Variants in HDHD3 observed in about 807,000 individuals in gnomAD.
HDHD3 encodes haloacid dehalogenase-like hydrolase domain-containing protein 3.
HDHD3 carries 6 observed loss-of-function variants against 6.9 expected under a neutral mutation model. The ratio of observed to expected loss-of-function variants is 0.87; its 90% confidence interval spans 0.48 to 1.72. HDHD3 has a LOEUF of 1.72. HDHD3 is among the 40% of genes most tolerant of loss of function. The pLI is 0.01. For synonymous variants in HDHD3, 139 were observed against 140.7 expected, an observed-to-expected ratio of 0.99 and a Z score of 0.08; for missense variants, 308 against 327.4, an observed-to-expected ratio of 0.94 and a Z score of 0.46.
Position 113,374,279 on chromosome 9 carries a change from CT to C in HDHD3, c.75del (p.Glu27ArgfsTer39), listed in dbSNP as rs779198341. The C allele has an allele frequency of 1.9e-6, 3 of 1,571,426 alleles. No homozygotes were observed. Among genetic ancestry groups the C allele is most frequent in the Non-Finnish European group, 2.6e-6 (3 of 1,158,766 alleles). On this transcript the variant is annotated frameshift_variant, in exon 3 of 3. Transcript: ENST00000374180. LOFTEE classifies it high-confidence loss of function. ...CGGGCCTTGGTGGCATAGGCCTCCC[CT>C]AAGGGGTGGCGGAGCCTGAGCAGCG... ...KDTLLRLRHP[L>X]GEAYATKARA...
In HDHD3 at chr9:113,374,416, G is replaced by C. The variant is rs990578386; in HGVS notation, c.-62C>G. On this transcript the variant is annotated 5_prime_UTR_variant, in exon 3 of 3. Coordinates refer to ENST00000374180, the MANE Select transcript of HDHD3 (RefSeq NM_001304509.2). ...CCCACGGTGGGTCCCAGGGGAAGCT[G>C]AGCTGGATAAGACCACCTCTGCGCA... 4 of 1,451,756 alleles carry C rather than the reference G, an allele frequency of 2.8e-6. No individual in the cohort carries two copies. The African/African-American group carries it at 4.2e-5, about 15-fold the overall frequency. The allele number at this position is 1,451,756 out of a possible 1,614,324, so 89.9% of individuals were successfully genotyped here.
chr9:113,374,454 CCT>C lies in HDHD3; in HGVS notation c.-102_-101del, dbSNP rs747707855. The C allele has an allele frequency of 1.3e-5, 15 of 1,137,648 alleles. No homozygotes were observed. In the East Asian group the frequency reaches 1.8e-4, roughly 14 times the overall value. The allele number at this position is 1,137,648 out of a possible 1,614,324, so 70.5% of individuals were successfully genotyped here. On this transcript the variant is annotated 5_prime_UTR_variant, in exon 3 of 3. The change creates a premature stop within an existing upstream ORF in the 5' untranslated region. Coordinates refer to ENST00000374180, the MANE Select transcript of HDHD3 (RefSeq NM_001304509.2). ...CCACCTCTGCGCAACCTAACAATCACCTCTTTCCAGGCCTTGTGGGTCAGATT... is the reference window on the plus strand; with the variant it reads ...CCACCTCTGCGCAACCTAACAATCACCTTTCCAGGCCTTGTGGGTCAGATT...
chr9:113,374,683 T>C (rs1834419947), intron 2 of HDHD3, among the ~76,000 whole-genome samples, 154 bp from the exon 3 acceptor site: 1 of 152,168 alleles, frequency 6.6e-6, no homozygotes, highest in African/African-American at 2.4e-5. Flanking sequence ...GCTGCTAGCA[T>C]ATGGGATAGA....
rs748704005 is a variant in HDHD3 at position 113,374,105 on chromosome 9, G to A, written c.250C>T (p.His84Tyr). 4 of 1,605,448 alleles carry A rather than the reference G, an allele frequency of 2.5e-6. No homozygotes were observed. Among genetic ancestry groups the A allele is most frequent in the Admixed American group, 1.7e-5 (1 of 59,824 alleles). ...TGAGCATCCTGGACACCCGCCAGGTGGAAGGTCTGCAGGACCACATCCAGC... is the reference window on the plus strand; with the variant it reads ...TGAGCATCCTGGACACCCGCCAGGTAGAAGGTCTGCAGGACCACATCCAGC... ...WWLDVVLQTF[H>Y]LAGVQDAQAV... The change falls in exon 3 of 3, where the codon CAC becomes TAC. Residue 84 changes from histidine to tyrosine, a missense_variant. His to Tyr is a moderately conservative substitution (Grantham distance 83). Coordinates refer to ENST00000374180, the MANE Select transcript of HDHD3 (RefSeq NM_001304509.2).
chr9:113,373,698 G>T lies in HDHD3; in HGVS notation c.657C>A (p.Pro219=). The T allele has an allele frequency of 1.2e-6, 2 of 1,614,012 alleles. No homozygotes were observed. The highest frequency in any genetic ancestry group is 1.7e-6 in the Non-Finnish European group (2 of 1,179,970). The part of the protein sequence containing the change: ...FLVVGPQALD[P]VVRDSVPKEH... ...CTTTAGGTACAGAATCCCTGACCAC[G>T]GGGTCCAGTGCCTGTGGGCCAACCA... The change falls in exon 3 of 3, where the codon CCC becomes CCA. Residue 219 remains proline (P), a synonymous_variant. Coordinates refer to ENST00000374180, the MANE Select transcript of HDHD3 (RefSeq NM_001304509.2).
rs80286918 is a variant in HDHD3 at position 113,374,635 on chromosome 9, T to A, written c.-175-106A>T. On this transcript the variant is annotated intron_variant, in intron 2 of 2. Coordinates refer to ENST00000374180, the MANE Select transcript of HDHD3 (RefSeq NM_001304509.2). ...TGGTGTGACCCTAGGAAAGTCACTCTGAATCCACAACAAATTTCTGAGCAC... is the reference window on the plus strand; with the variant it reads ...TGGTGTGACCCTAGGAAAGTCACTCAGAATCCACAACAAATTTCTGAGCAC... The A allele has an allele frequency of 1.1e-5, 4 of 356,408 alleles. No homozygotes were observed. The Admixed American group carries it at 1.3e-4, about 12-fold the overall frequency. 22.1% of individuals were successfully genotyped at this position (356,408 alleles called of 1,614,324 possible). A position where few individuals can be genotyped will look rare whatever the true frequency, so the allele number is the denominator to read the frequency against.
Position 113,373,893 on chromosome 9 carries a change from G to T in HDHD3, c.462C>A (p.Phe154Leu), listed in dbSNP as rs758132873. 6.2e-7 allele frequency: 1 copy of T among 1,614,242 alleles called. No homozygotes were observed. Residue 154 changes from phenylalanine to leucine, a missense_variant, in exon 3 of 3, where the codon TTC becomes TTA. Physicochemically the swap from Phe to Leu is conservative, Grantham distance 22. Coordinates refer to ENST00000374180, the MANE Select transcript of HDHD3 (RefSeq NM_001304509.2). ...ILGGLGLREH[F>L]DFVLTSEAAG... Reference sequence around the variant, plus strand: ...CAGCCTCGGAGGTCAGCACAAAGTCGAAGTGTTCACGCAGGCCAAGGCCCC... The same window carrying T: ...CAGCCTCGGAGGTCAGCACAAAGTCTAAGTGTTCACGCAGGCCAAGGCCCC...
At chr9:113,376,354 CTTTTTTTTTT>C (rs11327669) in intron 1 of HDHD3, among the ~76,000 whole-genome samples, 1 of 101,710 alleles carries the variant, frequency 9.8e-6, no homozygotes, top group Non-Finnish European at 1.9e-5. Flanking sequence ...GGCTTTTTTT[CTTTTTTTTTT>C]TTTTTGAGAC....
At position 113,374,330 on chromosome 9, in the gene HDHD3, G is replaced by A; in HGVS notation, c.25C>T (p.Leu9=). 3 of 1,518,212 alleles carry A rather than the reference G, an allele frequency of 2.0e-6. No individual in the cohort carries two copies. Among genetic ancestry groups the A allele is most frequent in the Non-Finnish European group, 2.7e-6 (3 of 1,131,750 alleles). The allele number at this position is 1,518,212 out of a possible 1,614,324, so 94.0% of individuals were successfully genotyped here. The change falls in exon 3 of 3, where the codon CTG becomes TTG. Residue 9 remains leucine (L), a synonymous_variant. Coordinates refer to ENST00000374180, the MANE Select transcript of HDHD3 (RefSeq NM_001304509.2). ...GTGTCCTTCACATCCCACGTCAGCAGTCGTATCTGCAGCCGGTGTGCCATG... is the reference window on the plus strand; with the variant it reads ...GTGTCCTTCACATCCCACGTCAGCAATCGTATCTGCAGCCGGTGTGCCATG... MAHRLQIR[L]LTWDVKDTLL...
chr9:113,374,392 C>A lies in HDHD3; in HGVS notation c.-38G>T. On this transcript the variant is annotated 5_prime_UTR_variant, in exon 3 of 3. Coordinates refer to ENST00000374180, the MANE Select transcript of HDHD3 (RefSeq NM_001304509.2). Reference sequence around the variant, plus strand: ...GTCCACCCCAGTTCTGCCTCAGGTCCCACGGTGGGTCCCAGGGGAAGCTGA... The same window carrying A: ...GTCCACCCCAGTTCTGCCTCAGGTCACACGGTGGGTCCCAGGGGAAGCTGA... 6.7e-7 allele frequency: 1 copy of A among 1,492,554 alleles called. No individual in the cohort carries two copies. 92.5% of individuals were successfully genotyped at this position (1,492,554 alleles called of 1,614,324 possible). A position where few individuals can be genotyped will look rare whatever the true frequency, so the allele number is the denominator to read the frequency against.
chr9:113,373,926 G>A lies in HDHD3; in HGVS notation c.429C>T (p.Gly143=). Reference sequence around the variant, plus strand: ...CACGCAGGCCAAGGCCCCCCAGGATGCCCTCTAGCCGTCGGTCAAAGTTGG... The same window carrying A: ...CACGCAGGCCAAGGCCCCCCAGGATACCCTCTAGCCGTCGGTCAAAGTTGG... ...VISNFDRRLE[G]ILGGLGLREH... is the part of the protein sequence containing the mutation. Residue 143 remains glycine (G), a synonymous_variant, in exon 3 of 3, where the codon GGC becomes GGT. Coordinates refer to ENST00000374180, the MANE Select transcript of HDHD3 (RefSeq NM_001304509.2). 1.9e-6 allele frequency: 3 copies of A among 1,614,238 alleles called. No individual in the cohort carries two copies. The highest frequency in any genetic ancestry group is 1.6e-4 in the Middle Eastern group (1 of 6,062).
rs1336777914 is a variant in HDHD3, at chr9:113,374,284, G to A, written c.71C>T (p.Pro24Leu). The A allele has an allele frequency of 6.4e-7, 1 of 1,562,286 alleles. No homozygotes were observed. The highest frequency in any genetic ancestry group is 2.3e-5 in the East Asian group (1 of 44,226). Reference protein sequence around the residue: ...VKDTLLRLRHPLGEAYATKAR... With the variant: ...VKDTLLRLRHLLGEAYATKAR... ...CTTGGTGGCATAGGCCTCCCCTAAG[G>A]GGTGGCGGAGCCTGAGCAGCGTGTC... The change falls in exon 3 of 3, where the codon CCC (proline) becomes CTC (leucine). Residue 24 changes from proline to leucine, a missense_variant. Transcript: ENST00000374180.
At chr9:113,375,144 A>G (rs1834430216) in intron 2 of HDHD3, among the ~76,000 whole-genome samples, 1 of 152,270 alleles carries the variant, frequency 6.6e-6, no homozygotes, top group Non-Finnish European at 1.5e-5. Context: ...TGGCCACCCA[A>G]AGTACTGGGA....
At chr9:113,375,166 A>G (rs1450449394) in intron 2 of HDHD3, among the ~76,000 whole-genome samples, 1 of 152,194 alleles carries the variant, frequency 6.6e-6, no homozygotes, top group Non-Finnish European at 1.5e-5. Context: ...TACAGGCATG[A>G]GCCATCACTC....
chr9:113,375,299 CAG>C (rs1228319497), intron 2 of HDHD3, among the ~76,000 whole-genome samples, 152 bp downstream of exon 2: 7 of 151,574 alleles, frequency 4.6e-5, no homozygotes, highest in Non-Finnish European at 1.0e-4. Context: ...GGCAAGTAGA[CAG>C]AGGCCAGCTG....
Position 113,373,788 on chromosome 9 carries a change from A to G in HDHD3, c.567T>C (p.His189=). ...LAHMEPVVAA[H]VGDNYLCDYQ... ...AATCGCAGAGGTAATTATCCCCAACATGGGCTGCCACTACTGGTTCCATAT... is the reference window on the plus strand; with the variant it reads ...AATCGCAGAGGTAATTATCCCCAACGTGGGCTGCCACTACTGGTTCCATAT... The change falls in exon 3 of 3, where the codon CAT becomes CAC. Residue 189 remains histidine (H), a synonymous_variant. Coordinates refer to ENST00000374180, the MANE Select transcript of HDHD3 (RefSeq NM_001304509.2). The G allele has an allele frequency of 6.2e-7, 1 of 1,612,414 alleles. No individual in the cohort carries two copies. The highest frequency in any genetic ancestry group is 8.5e-7 in the Non-Finnish European group (1 of 1,178,708).
chr9:113,374,563 C>T (rs77149067), intron 2 of HDHD3, 34 bp from the exon 3 acceptor site: 21,935 of 432,868 alleles, frequency 0.051, 915 homozygotes, highest in Non-Finnish European at 0.051. Context: ...GGTGGAAGCT[C>T]AGGCCCTGAC....
chr9:113,376,351 TTTC>T (rs1208368605), intron 1 of HDHD3, among the ~76,000 whole-genome samples: 1 of 91,478 alleles, frequency 1.1e-5, no homozygotes, highest in Non-Finnish European at 2.0e-5. Flanking sequence ...GCCGGCTTTT[TTTC>T]TTTTTTTTTT....
In HDHD3 at chr9:113,374,473, G is replaced by T. The variant is rs949585663; in HGVS notation, c.-119C>A. The stretch of plus-strand genomic sequence containing the variant: ...CAATCACCTCTTTCCAGGCCTTGTG[G>T]GTCAGATTTGCTGGCTAACATGAAG... On this transcript the variant is annotated 5_prime_UTR_variant, in exon 3 of 3. Transcript: ENST00000374180. 2 of 894,802 alleles carry T rather than the reference G, an allele frequency of 2.2e-6. No individual in the cohort carries two copies. Among genetic ancestry groups the T allele is most frequent in the African/African-American group, 1.7e-5 (1 of 60,576 alleles). The allele number at this position is 894,802 out of a possible 1,614,324, so 55.4% of individuals were successfully genotyped here.
Sources: allele counts gnomAD v4.1 joint callset (sites outside exome capture counted in the v4.1 genomes callset), GRCh38; gene constraint gnomAD v4.1.1; transcripts MANE v1.5; gene names NCBI Gene and HGNC (gene_info 2026-07-23, HGNC 2026-07-21).